MAST2: variants seen among roughly 807,000 people sequenced by gnomAD.
MAST2 encodes microtubule-associated serine/threonine-protein kinase 2.
A neutral mutation model predicts 147.4 loss-of-function variants in MAST2; 70 were observed. That is an observed-to-expected ratio of 0.47 (90% CI 0.39 to 0.58). MAST2 has a LOEUF of 0.58. Ranked by LOEUF, MAST2 falls within the 20% of genes least tolerant of loss-of-function variation. MAST2 has a pLI of 0.00. For missense variants in MAST2, 2,080 were observed against 2,302.3 expected (o/e 0.90, Z 1.98); for synonymous variants, 869 against 896.8 (o/e 0.97, Z 0.55).
At chr1:45,847,196 A>G in intron 3 of MAST2, 2 of 527,472 alleles carry the variant, frequency 3.8e-6, no homozygotes, top group Non-Finnish European at 7.7e-6. Flanking sequence ...GATTACTTGC[A>G]TTTAGAATGT....
At chr1:45,951,522 A>G (rs1034619232) in intron 4 of MAST2, among the ~76,000 whole-genome samples, 1 of 152,114 alleles carries the variant, frequency 6.6e-6, no homozygotes, top group African/African-American at 2.4e-5. Flanking sequence ...AATAGAGGCA[A>G]CAGTGAGTGG....
chr1:45,987,810 G>A (rs1170037824), intron 5 of MAST2, among the ~76,000 whole-genome samples: 1 of 38,306 alleles, frequency 2.6e-5, no homozygotes, highest in South Asian at 8.5e-4. Context: ...TTGGTTTGGT[G>A]TTTTTTGTTA....
At chr1:45,959,140 C>T (rs966498895) in intron 4 of MAST2, among the ~76,000 whole-genome samples, 21 of 152,080 alleles carry the variant, frequency 1.4e-4, no homozygotes, top group Admixed American at 1.2e-3. Context: ...TAAAACTAAA[C>T]ATTGGAAAAG....
chr1:46,017,457 A>G (rs1460932934), intron 10 of MAST2, among the ~76,000 whole-genome samples: 2 of 152,212 alleles, frequency 1.3e-5, no homozygotes, highest in Admixed American at 6.5e-5. Context: ...AGAATCTACA[A>G]TGAACTCAAA....
At chr1:45,994,214 C>A (rs12097799) in intron 5 of MAST2, among the ~76,000 whole-genome samples, 49,902 of 149,462 alleles carry the variant, frequency 0.33, 8,563 homozygotes, top group African/African-American at 0.41. Flanking sequence ...AGCCCCTCTC[C>A]ATTTCTGGGA....
chr1:46,013,796 T>C (rs1645816249), intron 10 of MAST2, among the ~76,000 whole-genome samples: 1 of 152,178 alleles, frequency 6.6e-6, no homozygotes, highest in Non-Finnish European at 1.5e-5. Context: ...CCATGTGGTA[T>C]GCATGAACAG....
intron 10 of MAST2, among the ~76,000 whole-genome samples, chr1:46,018,325 TCTC>T (rs1228846976): frequency 6.6e-6 from 1 of 152,154 alleles, no homozygotes; most frequent in Non-Finnish European, 1.5e-5. Flanking sequence ...CTCTTACTGT[TCTC>T]CTGAGCTTCA....
chr1:46,019,800 G>A (rs1646109510), intron 11 of MAST2, 103 bp downstream of exon 11: 2 of 955,762 alleles, frequency 2.1e-6, no homozygotes, highest in Non-Finnish European at 3.3e-6. Flanking sequence ...TGCCATTTCT[G>A]TTGCTTAGGT....
At chr1:45,898,095 T>A (rs147189930) in intron 4 of MAST2, among the ~76,000 whole-genome samples, 8 of 151,924 alleles carry the variant, frequency 5.3e-5, no homozygotes, top group African/African-American at 1.9e-4. Flanking sequence ...GGCGACAGAG[T>A]GAGACTCTGT....
intron 3 of MAST2, chr1:45,847,157 A>C (rs573907699): frequency 5.9e-5 from 30 of 505,228 alleles, no homozygotes; most frequent in Non-Finnish European, 3.2e-5. Context: ...ATTTCTTCAG[A>C]TCAAAGTCCC....
chr1:45,907,463 CTTTT>C (rs59039717), intron 4 of MAST2, among the ~76,000 whole-genome samples: 209 of 140,912 alleles, frequency 1.5e-3, no homozygotes, highest in Middle Eastern at 7.4e-3. Context: ...GCCATTTTAA[CTTTT>C]TTTTTTTTTT....
chr1:46,031,681 G>A lies in MAST2; in HGVS notation c.3187+96G>A. ...CTGCACGTGGCAGGTGTGTGTGTGT[G>A]TGTTAAGCACAGATCTGACTGTGGT... On this transcript the variant is annotated intron_variant, in intron 24 of 28. Transcript: ENST00000361297. The surrounding 1 kb of genome is among the most constrained non-coding windows in gnomAD (Gnocchi z 4.1). 8.3e-7 allele frequency: 1 copy of A among 1,211,124 alleles called. No individual in the cohort carries two copies. Among genetic ancestry groups the A allele is most frequent in the Non-Finnish European group, 1.2e-6 (1 of 867,524 alleles). The allele number at this position is 1,211,124 out of a possible 1,614,324, so 75.0% of individuals were successfully genotyped here.
chr1:45,940,642 CAG>C (rs1194560483), intron 4 of MAST2, among the ~76,000 whole-genome samples: 3 of 140,556 alleles, frequency 2.1e-5, no homozygotes, highest in Admixed American at 7.2e-5. Context: ...TTTTTTGAGA[CAG>C]AGTCTCGCTC....
intron 1 of MAST2, among the ~76,000 whole-genome samples, chr1:45,810,384 AG>A (rs1644255016): frequency 6.6e-6 from 1 of 152,186 alleles, no homozygotes; most frequent in African/African-American, 2.4e-5. Context: ...AGCACACAGA[AG>A]GGAAGCTGCG....
chr1:46,034,503 C>T (rs1236384797), intron 28 of MAST2, 35 bp from the exon 29 acceptor site: 4 of 1,585,790 alleles, frequency 2.5e-6, no homozygotes, highest in Non-Finnish European at 3.4e-6. Flanking sequence ...CACTGCTCTG[C>T]TTTTGTCTGT....
rs138653256 is a variant in MAST2 at position 45,827,018 on chromosome 1, C to T, written c.326-2421C>T. 2.9e-3 allele frequency among the ~76,000 whole-genome samples: 444 copies of T among 151,876 alleles called. 3 individuals carry two copies. The highest frequency in any genetic ancestry group is 0.02 in the East Asian group (103 of 5,120). Reference sequence around the variant, plus strand: ...CTAATTTTTGTATTTTTAGTAGAGACGGGGTTTCACTATGTTGGCCAGAAT... The same window carrying T: ...CTAATTTTTGTATTTTTAGTAGAGATGGGGTTTCACTATGTTGGCCAGAAT... On this transcript the variant is annotated intron_variant, in intron 2 of 28. Transcript: ENST00000361297.
chr1:45,852,496 G>C (rs1296261742), intron 3 of MAST2, among the ~76,000 whole-genome samples: 1 of 151,606 alleles, frequency 6.6e-6, no homozygotes, highest in Non-Finnish European at 1.5e-5. Flanking sequence ...CGAGTAGCTG[G>C]GATCACAGGC....
At chr1:45,915,963 A>T (rs1014651641) in intron 4 of MAST2, among the ~76,000 whole-genome samples, 1 of 152,154 alleles carries the variant, frequency 6.6e-6, no homozygotes, top group African/African-American at 2.4e-5. Flanking sequence ...GAAAATGAGA[A>T]ATTAACTTAA....
chr1:45,997,951 T>C (rs1337968637), intron 6 of MAST2, 152 bp downstream of exon 6: 2 of 702,158 alleles, frequency 2.8e-6, no homozygotes, highest in Non-Finnish European at 2.4e-6. Flanking sequence ...TGCTTTCCTC[T>C]CCTAGGTTGT....
Sources: gnomAD v4.1 joint callset for allele counts (sites outside exome capture counted in the v4.1 genomes callset) on GRCh38, gnomAD v4.1.1 for gene constraint, Gnocchi (gnomAD v3.1) non-coding constraint, MANE v1.5 for transcripts, NCBI Gene and HGNC (gene_info 2026-07-23, HGNC 2026-07-21) for gene names.